The following ST8SIA2 variants were observed in gnomAD, a reference collection of about 807,000 sequenced individuals.
ST8SIA2 encodes the protein ST8 alpha-N-acetyl-neuraminide alpha-2,8-sialyltransferase 2.
A neutral mutation model predicts 37.6 loss-of-function variants in ST8SIA2; 22 were observed. The ratio of observed to expected loss-of-function variants is 0.58; its 90% CI spans 0.42 to 0.83. The LOEUF is 0.83. Among genes scored for constraint, ST8SIA2 ranks in the 40% least tolerant of loss-of-function variants. The pLI is 0.00. For synonymous variants in ST8SIA2, 205 were observed against 201.2 expected (o/e 1.02, Z -0.16); for missense variants, 382 against 484.7 (o/e 0.79, Z 1.99).
intron 1 of ST8SIA2, among the ~76,000 whole-genome samples, chr15:92,402,607 G>A (rs754333767): frequency 3.3e-5 from 5 of 152,186 alleles, no homozygotes; most frequent in Non-Finnish European, 5.9e-5. Context: ...GGGATGTAGC[G>A]ATGCTGAAGG....
intron 1 of ST8SIA2, among the ~76,000 whole-genome samples, chr15:92,406,778 T>C (rs948332516): frequency 2.0e-5 from 3 of 152,090 alleles, no homozygotes; most frequent in Admixed American, 6.5e-5. Flanking sequence ...AGTAGATCAC[T>C]TGAGCCCAGG....
At chr15:92,425,445 T>A (rs544589221) in intron 1 of ST8SIA2, among the ~76,000 whole-genome samples, 4 of 152,290 alleles carry the variant, frequency 2.6e-5, no homozygotes, top group Non-Finnish European at 5.9e-5. Context: ...TGAGTCCCAA[T>A]GGGGCAAAGC....
At chr15:92,394,309 G>A in intron 1 of ST8SIA2, 147 bp downstream of exon 1, 1 of 774,778 alleles carries the variant, frequency 1.3e-6, no homozygotes. Context: ...AGAAGGTGGC[G>A]GCGACAGGGG....
In ST8SIA2 at chr15:92,465,907, A is replaced by G. The variant is rs1283548466; in HGVS notation, c.*1522A>G. ...TAGCCAGCTTGAATTTGTTAGTCGT[A>G]TTCCTTCACCTGATGAATAACAGTG... On this transcript the variant is annotated 3_prime_UTR_variant, in exon 6 of 6. Transcript: ENST00000268164. The G allele has an allele frequency of 6.6e-6, 1 of 152,216 alleles. No homozygotes were observed. The highest frequency in any genetic ancestry group is 1.5e-5 in the Non-Finnish European group (1 of 68,038). The allele number at this position is 152,216 out of a possible 1,614,324, so 9.4% of individuals were successfully genotyped here.
intron 1 of ST8SIA2, chr15:92,422,457 GC>G (rs1416239623): frequency 6.6e-6 from 1 of 152,220 alleles, no homozygotes; most frequent in African/African-American, 2.4e-5. Context: ...CCTGTGCCCA[GC>G]CGGAAAGGAA....
intron 1 of ST8SIA2, among the ~76,000 whole-genome samples, chr15:92,403,833 A>G (rs1431490192): frequency 6.6e-6 from 1 of 152,226 alleles, no homozygotes; most frequent in East Asian, 1.9e-4. Context: ...CCCAAATTGT[A>G]TGCTAATCAA....
chr15:92,411,053 G>C (rs1488742697), intron 1 of ST8SIA2, among the ~76,000 whole-genome samples: 1 of 152,228 alleles, frequency 6.6e-6, no homozygotes, highest in Non-Finnish European at 1.5e-5. Context: ...GAGCCAGGCT[G>C]TCAAGGGCTG....
intron 3 of ST8SIA2, 59 bp from the exon 4 acceptor site, chr15:92,438,294 G>A: frequency 3.7e-6 from 6 of 1,614,032 alleles, no homozygotes; most frequent in Non-Finnish European, 5.1e-6. Context: ...GAAAAGCTGG[G>A]CTGGCAAAGG....
At chr15:92,434,162 GC>G in intron 2 of ST8SIA2, 84 bp from the exon 3 acceptor site, 3 of 1,590,888 alleles carry the variant, frequency 1.9e-6, no homozygotes, top group Non-Finnish European at 2.6e-6. Context: ...TTACATTCAA[GC>G]CCGTGCAAAA....
intron 5 of ST8SIA2, among the ~76,000 whole-genome samples, chr15:92,448,465 A>G (rs963208880): frequency 1.3e-4 from 20 of 152,236 alleles, no homozygotes; most frequent in African/African-American, 4.3e-4. Context: ...AAGGGATTGT[A>G]GAGAGGAAGG....
rs143759038 is a variant in ST8SIA2 at position 92,434,833 on chromosome 15, A to T, written c.290+458A>T. Among the ~76,000 whole-genome samples the T allele has an allele frequency of 1.5e-3, 226 of 152,314 alleles. 1 individual carries two copies. The highest frequency in any genetic ancestry group is 5.3e-3 in the African/African-American group (220 of 41,570). ...TTGTATAGGCTGCTCCTCCCTAACA[A>T]CGTGAAAATGAAAACCTAGAGCCAT... On this transcript the variant is annotated intron_variant, in intron 3 of 5. Transcript: ENST00000268164.
At chr15:92,411,956 A>C (rs775330838) in intron 1 of ST8SIA2, among the ~76,000 whole-genome samples, 9 of 152,186 alleles carry the variant, frequency 5.9e-5, no homozygotes, top group Non-Finnish European at 1.5e-5. Context: ...CAGTGAGGGA[A>C]GTACGAGGCA....
chr15:92,429,862 G>A (rs2141827635), intron 1 of ST8SIA2, among the ~76,000 whole-genome samples, 187 bp from the exon 2 acceptor site: 1 of 152,286 alleles, frequency 6.6e-6, no homozygotes, highest in Admixed American at 6.5e-5. Flanking sequence ...GATCCAGGAG[G>A]TCCACACCCT....
intron 4 of ST8SIA2, among the ~76,000 whole-genome samples, chr15:92,441,072 C>A (rs962051787): frequency 1.3e-5 from 2 of 152,172 alleles, no homozygotes; most frequent in Non-Finnish European, 2.9e-5. Flanking sequence ...CTGTGAAGCT[C>A]CTGATGGAGG....
At chr15:92,434,421 C>A (rs1247701748) in intron 3 of ST8SIA2, 46 bp downstream of exon 3, 1 of 1,613,236 alleles carries the variant, frequency 6.2e-7, no homozygotes, top group Non-Finnish European at 8.5e-7. Flanking sequence ...TGGTCTTGAG[C>A]ATACACGGGC....
intron 1 of ST8SIA2, among the ~76,000 whole-genome samples, chr15:92,399,109 C>T (rs2049452583): frequency 6.6e-6 from 1 of 152,208 alleles, no homozygotes; most frequent in Non-Finnish European, 1.5e-5. Context: ...GCATTCCAGA[C>T]TCTGAGGTGG....
chr15:92,395,193 G>C (rs2049421802), intron 1 of ST8SIA2, among the ~76,000 whole-genome samples: 1 of 152,210 alleles, frequency 6.6e-6, no homozygotes, highest in African/African-American at 2.4e-5. Context: ...CCTGGCCCTG[G>C]GCAAGGGGAA....
intron 1 of ST8SIA2, among the ~76,000 whole-genome samples, chr15:92,395,588 G>A (rs1312146445): frequency 6.6e-6 from 1 of 152,120 alleles, no homozygotes; most frequent in Non-Finnish European, 1.5e-5. Flanking sequence ...CAAATGCTGC[G>A]CAGTTAATAC....
chr15:92,412,909 C>T (rs559088386), intron 1 of ST8SIA2, among the ~76,000 whole-genome samples: 7 of 152,200 alleles, frequency 4.6e-5, no homozygotes, highest in South Asian at 2.1e-4. Context: ...TCGCCCACCT[C>T]GGCCTCCCAA....
Sources: gnomAD v4.1 joint callset for allele counts (sites outside exome capture counted in the v4.1 genomes callset) on GRCh38, gnomAD v4.1.1 for gene constraint, MANE v1.5 for transcripts, NCBI Gene and HGNC (gene_info 2026-07-23, HGNC 2026-07-21) for gene names.